The following KDM4B variants were observed in gnomAD, a reference collection of about 807,000 sequenced individuals.
KDM4B encodes lysine demethylase 4B.
In KDM4B, 32 loss-of-function variants were observed where a neutral mutation model predicts 125.2. The ratio of observed to expected loss-of-function variants is 0.26; its 90% confidence interval spans 0.19 to 0.34. KDM4B has a LOEUF of 0.34. Among genes scored for constraint, KDM4B ranks in the 10% least tolerant of loss-of-function variants. The probability of loss-of-function intolerance (pLI) is 1.00; values close to 1 mark genes in which losing one functional copy is unlikely to be tolerated. For missense variants in KDM4B, 1,190 were observed against 1,577.7 expected, an observed-to-expected ratio of 0.75 and a Z score of 4.16; for synonymous variants, 721 against 677.9, an observed-to-expected ratio of 1.06 and a Z score of -0.99.
intron 9 of KDM4B, among the ~76,000 whole-genome samples, chr19:5,093,545 G>A (rs967270241): frequency 1.3e-5 from 2 of 152,206 alleles, no homozygotes; most frequent in African/African-American, 2.4e-5. Flanking sequence ...TCACTGCAGC[G>A]CTGATAATTA....
At chr19:4,982,410 C>G (rs1476648733) in intron 1 of KDM4B, among the ~76,000 whole-genome samples, 1 of 146,552 alleles carries the variant, frequency 6.8e-6, no homozygotes, top group Admixed American at 6.8e-5. Context: ...CAAGATCGCA[C>G]CACTGCGCTC....
In KDM4B at chr19:5,131,223, C is replaced by G; in HGVS notation, c.1463C>G (p.Pro488Arg). Residue 488 changes from proline (P) to arginine (R), a missense_variant, in exon 12 of 23, where the codon CCG becomes CGG. By Grantham distance (103) the Pro-to-Arg change is moderately radical. Transcript: ENST00000159111. ...TGGCTGCCATCCCCACTGGAGCCCC[C>G]GGTGCTGGGCCCAGGCCCTGCAGCC... The part of the protein sequence containing the change: ...ALWLPSPLEP[P>R]VLGPGPAAME... 1.2e-6 allele frequency: 2 copies of G among 1,606,108 alleles called. No individual in the cohort carries two copies. Among genetic ancestry groups the G allele is most frequent in the Non-Finnish European group, 1.7e-6 (2 of 1,176,774 alleles).
At chr19:5,019,669 C>T (rs111164913) in intron 2 of KDM4B, among the ~76,000 whole-genome samples, 432 of 43,912 alleles carry the variant, frequency 9.8e-3, no homozygotes, top group Middle Eastern at 0.062. Flanking sequence ...CAGGTGTTGG[C>T]GTGGATGTTG....
chr19:5,092,969 C>T (rs2038742336), intron 9 of KDM4B, among the ~76,000 whole-genome samples: 1 of 152,214 alleles, frequency 6.6e-6, no homozygotes, highest in Non-Finnish European at 1.5e-5. Context: ...TCTCCCCACC[C>T]AAGGTGTGAC....
In KDM4B at chr19:5,080,878, G is replaced by A. The variant is rs1039690067; in HGVS notation, c.781-1489G>A. ...GTACTGTTTAGAAATGAAAAGGAGC[G>A]GTCGCCTGGTGCACAGGACAGTGGG... On this transcript the variant is annotated intron_variant, in intron 8 of 22. Transcript: ENST00000159111. The A allele has an allele frequency of 1.1e-4, 17 of 152,114 alleles. 1 individual carries two copies. The highest frequency in any genetic ancestry group is 3.9e-4 in the African/African-American group (16 of 41,396). The allele number at this position is 152,114 out of a possible 1,614,324, so 9.4% of individuals were successfully genotyped here. A position where few individuals can be genotyped will look rare whatever the true frequency, so the allele number is the denominator to read the frequency against.
chr19:5,075,892 A>G (rs931772959), intron 7 of KDM4B: 1 of 153,056 alleles, frequency 6.5e-6, no homozygotes, highest in Non-Finnish European at 1.5e-5. Context: ...CAGTGAGGAC[A>G]CCCGCTGTGC....
At chr19:5,119,271 T>C (rs1009669355) in intron 10 of KDM4B, 1 of 1,238,818 alleles carries the variant, frequency 8.1e-7, no homozygotes, top group Non-Finnish European at 1.1e-6. Context: ...CATGAGCTGC[T>C]GTTTCCCTCG....
chr19:5,089,440 T>G (rs966534452), intron 9 of KDM4B, among the ~76,000 whole-genome samples: 1 of 152,170 alleles, frequency 6.6e-6, no homozygotes, highest in Non-Finnish European at 1.5e-5. Context: ...TGGAATGTTA[T>G]GCAGCTGTGA....
chr19:4,982,468 A>AG (rs1354395665), intron 1 of KDM4B, among the ~76,000 whole-genome samples: 1 of 151,726 alleles, frequency 6.6e-6, no homozygotes, highest in African/African-American at 2.4e-5. Context: ...AAAAAAAAAA[A>AG]AAAGCCTCTA....
chr19:5,015,628 T>C (rs2145514409), intron 1 of KDM4B, among the ~76,000 whole-genome samples: 1 of 152,232 alleles, frequency 6.6e-6, no homozygotes, highest in African/African-American at 2.4e-5. Context: ...GGCAGGAGGA[T>C]CACTTGAGGC....
At position 4,994,022 on chromosome 19, in the gene KDM4B, T is replaced by G. The variant is rs75431774; in HGVS notation, c.-108-22235T>G. Among the ~76,000 whole-genome samples the G allele has an allele frequency of 8.1e-3, 319 of 39,446 alleles. 5 individuals are homozygous for G. Among genetic ancestry groups the G allele is most frequent in the Admixed American group, 0.052 (273 of 5,260 alleles). 25.9% of individuals were successfully genotyped at this position (39,446 alleles called of 152,430 possible). On this transcript the variant is annotated intron_variant, in intron 1 of 22. Coordinates refer to ENST00000159111, the MANE Select transcript of KDM4B (RefSeq NM_015015.3). ...TTTAATTTTTATATTTTCAGCCTGT[T>G]TTTTTTTTTTTTTTTTTTTTGTTAT... is the stretch of plus-strand genomic sequence containing the variant.
At chr19:4,982,847 G>A (rs772829765) in intron 1 of KDM4B, among the ~76,000 whole-genome samples, 5 of 152,098 alleles carry the variant, frequency 3.3e-5, no homozygotes, top group Non-Finnish European at 5.9e-5. Flanking sequence ...TCCTGACCTC[G>A]TGATCTGCCT....
intron 11 of KDM4B, among the ~76,000 whole-genome samples, chr19:5,128,860 CGGG>C (rs10718211): frequency 4.3e-5 from 3 of 70,428 alleles, no homozygotes; most frequent in African/African-American, 1.7e-4. Context: ...AGGCGGGGGG[CGGG>C]GGGGGGGGTC....
intron 1 of KDM4B, among the ~76,000 whole-genome samples, chr19:4,990,454 C>T (rs990713173): frequency 2.0e-5 from 3 of 152,198 alleles, no homozygotes; most frequent in African/African-American, 4.8e-5. Flanking sequence ...CAGGTGGCCT[C>T]TGGCAGGATG....
intron 11 of KDM4B, among the ~76,000 whole-genome samples, chr19:5,128,572 C>G (rs1432111188): frequency 6.6e-6 from 1 of 152,218 alleles, no homozygotes; most frequent in Non-Finnish European, 1.5e-5. Context: ...CCTCAAGTGC[C>G]TTTTACACAC....
At chr19:5,085,829 C>T (rs933167595) in intron 9 of KDM4B, among the ~76,000 whole-genome samples, 2 of 152,208 alleles carry the variant, frequency 1.3e-5, no homozygotes, top group Non-Finnish European at 2.9e-5. Context: ...GCAGCCGGCC[C>T]CTGACTCTGG....
chr19:5,138,356 A>T (rs1479502830), intron 18 of KDM4B: 1 of 453,256 alleles, frequency 2.2e-6, no homozygotes, highest in Non-Finnish European at 4.0e-6. Flanking sequence ...AGAATCGAGC[A>T]CCCCATGCAG....
chr19:5,089,739 A>C (rs2038627989), intron 9 of KDM4B, among the ~76,000 whole-genome samples: 1 of 150,954 alleles, frequency 6.6e-6, no homozygotes, highest in African/African-American at 2.4e-5. Context: ...TTCCATAGTC[A>C]GAGGGGTGTA....
At chr19:5,089,301 C>T (rs2038612049) in intron 9 of KDM4B, among the ~76,000 whole-genome samples, 1 of 152,216 alleles carries the variant, frequency 6.6e-6, no homozygotes, top group South Asian at 2.1e-4. Flanking sequence ...CCATGGGTTA[C>T]ACATGTGTCT....
Sources: gnomAD v4.1 joint callset for allele counts (sites outside exome capture counted in the v4.1 genomes callset) on GRCh38, gnomAD v4.1.1 for gene constraint, MANE v1.5 for transcripts, NCBI Gene and HGNC (gene_info 2026-07-23, HGNC 2026-07-21) for gene names.